The following TNFRSF10D variants were observed in gnomAD, a reference collection of about 807,000 sequenced individuals.
TNFRSF10D encodes TNF receptor superfamily member 10d.
A neutral mutation model predicts 42.1 loss-of-function variants in TNFRSF10D; 28 were observed. The observed-to-expected ratio is 0.66, with a 90% confidence interval of 0.49 to 0.91. The LOEUF is 0.91. TNFRSF10D is among the 40% of genes least tolerant of loss of function. TNFRSF10D has a pLI of 0.00. For missense variants in TNFRSF10D, 503 were observed against 486.1 expected (o/e 1.03, Z -0.33); for synonymous variants, 186 against 189.4 (o/e 0.98, Z 0.15).
chr8:23,162,239 CAT>C (rs1471493901), intron 1 of TNFRSF10D, among the ~76,000 whole-genome samples: 3 of 152,200 alleles, frequency 2.0e-5, no homozygotes, highest in Admixed American at 6.5e-5. Flanking sequence ...CTTTGGGACG[CAT>C]AGAGTTCACA....
At chr8:23,153,395 T>C (rs540168940) in intron 2 of TNFRSF10D, among the ~76,000 whole-genome samples, 860 of 152,018 alleles carry the variant, frequency 5.7e-3, no homozygotes, top group African/African-American at 0.018. Context: ...TAGAAAGGTT[T>C]TGCACAACAA....
chr8:23,160,134 T>G (rs1177437157), intron 1 of TNFRSF10D, among the ~76,000 whole-genome samples: 525 of 151,446 alleles, frequency 3.5e-3, no homozygotes, highest in African/African-American at 0.011. Context: ...ATATGATTCC[T>G]GGTGTCACCT....
rs1234308365 is a variant in TNFRSF10D, at chr8:23,137,141, G to T, written c.*729C>A. On this transcript the variant is annotated 3_prime_UTR_variant, in exon 9 of 9. Coordinates refer to ENST00000312584, the MANE Select transcript of TNFRSF10D (RefSeq NM_003840.5). ...CAATATAAATGTTTCTCTAATTAAG[G>T]TGGGGGTAAGCCCCAATAATCCTAT... 1 of 152,192 alleles carries T rather than the reference G, an allele frequency of 6.6e-6. No homozygotes were observed. The highest frequency in any genetic ancestry group is 1.5e-5 in the Non-Finnish European group (1 of 68,046). 9.4% of individuals were successfully genotyped at this position (152,192 alleles called of 1,614,324 possible).
intron 7 of TNFRSF10D, among the ~76,000 whole-genome samples, chr8:23,143,653 C>G (rs1444120789): frequency 6.6e-6 from 1 of 151,864 alleles, no homozygotes; most frequent in Non-Finnish European, 1.5e-5. Flanking sequence ...CAAAGAGGAG[C>G]CAAAAGCAGA....
Position 23,148,435 on chromosome 8 carries a change from T to G in TNFRSF10D, c.370+3A>C, listed in dbSNP as rs925172186. 2 of 1,604,838 alleles carry G rather than the reference T, an allele frequency of 1.2e-6. No individual in the cohort carries two copies. The highest frequency in any genetic ancestry group is 2.7e-5 in the African/African-American group (2 of 74,650). On this transcript the variant is annotated splice_donor_region_variant and intron_variant, in intron 3 of 8. Transcript: ENST00000312584. ...CTGGGCAAGGGGTCCACACATTCTG[T>G]ACCTGATTTACAAACTGTACATAGC...
chr8:23,160,881 G>T (rs1399837887), intron 1 of TNFRSF10D, among the ~76,000 whole-genome samples: 2 of 152,226 alleles, frequency 1.3e-5, no homozygotes, highest in Admixed American at 1.3e-4. Flanking sequence ...TGGAAACTTG[G>T]CAGGTAAACC....
In TNFRSF10D at chr8:23,136,374, TA is replaced by T; in HGVS notation, c.*1495del. ...CTCCTCAAACAGGGAATCTGTACCC[TA>T]AAACGCAGCTCAGGAATCTCTGCCC... On this transcript the variant is annotated 3_prime_UTR_variant, in exon 9 of 9. Coordinates refer to ENST00000312584, the MANE Select transcript of TNFRSF10D (RefSeq NM_003840.5). The T allele has an allele frequency of 5.2e-6, 1 of 190,688 alleles. No homozygotes were observed. The allele number at this position is 190,688 out of a possible 1,614,324, so 11.8% of individuals were successfully genotyped here.
intron 7 of TNFRSF10D, among the ~76,000 whole-genome samples, chr8:23,139,821 A>C (rs530551499): frequency 1.4e-4 from 22 of 152,222 alleles, no homozygotes; most frequent in Non-Finnish European, 2.9e-4. Context: ...AAACGACTTC[A>C]GCAAAATTTC....
chr8:23,153,695 G>T (rs1461899140), intron 2 of TNFRSF10D, among the ~76,000 whole-genome samples: 1 of 152,104 alleles, frequency 6.6e-6, no homozygotes, highest in Admixed American at 6.6e-5. Context: ...TGTAAAAATG[G>T]CTATTACCAA....
At chr8:23,157,449 G>A (rs545449409) in intron 1 of TNFRSF10D, among the ~76,000 whole-genome samples, 229 of 152,230 alleles carry the variant, frequency 1.5e-3, no homozygotes, top group African/African-American at 5.4e-3. Flanking sequence ...GTCATATCGC[G>A]TGTTTTATAT....
chr8:23,143,876 A>AG (rs1282233398), intron 7 of TNFRSF10D, among the ~76,000 whole-genome samples: 912 of 152,224 alleles, frequency 6.0e-3, no homozygotes, highest in African/African-American at 0.019. Flanking sequence ...CTTAAAAAAA[A>AG]ACAAATGTGT....
chr8:23,141,890 G>C (rs1349356668), intron 7 of TNFRSF10D, among the ~76,000 whole-genome samples: 533 of 151,506 alleles, frequency 3.5e-3, no homozygotes, highest in African/African-American at 0.012. Context: ...AGTTCAGCCA[G>C]TATGGAAAGG....
intron 2 of TNFRSF10D, among the ~76,000 whole-genome samples, chr8:23,152,383 T>C (rs1800222959): frequency 6.6e-6 from 1 of 152,172 alleles, no homozygotes; most frequent in Admixed American, 6.5e-5. Flanking sequence ...CCATGGGCAT[T>C]ATACCCCAGG....
intron 1 of TNFRSF10D, among the ~76,000 whole-genome samples, chr8:23,159,103 GTGTGTC>G (rs750126948): frequency 9.1e-4 from 137 of 150,294 alleles, no homozygotes; most frequent in Non-Finnish European, 9.1e-4. Flanking sequence ...GTGTGTGTGT[GTGTGTC>G]TGTGTCTGTG....
intron 1 of TNFRSF10D, among the ~76,000 whole-genome samples, chr8:23,159,895 G>A (rs1469810072): frequency 6.6e-6 from 1 of 151,720 alleles, no homozygotes; most frequent in African/African-American, 2.4e-5. Flanking sequence ...CTTTTCTCCT[G>A]TGTACCTGTC....
chr8:23,154,415 A>G (rs555271338), intron 2 of TNFRSF10D, among the ~76,000 whole-genome samples: 17 of 152,346 alleles, frequency 1.1e-4, no homozygotes, highest in African/African-American at 4.1e-4. Flanking sequence ...ACAAATTGGG[A>G]TAGTATTGCA....
At chr8:23,148,388 C>T in intron 3 of TNFRSF10D, 50 bp downstream of exon 3, 1 of 1,472,412 alleles carries the variant, frequency 6.8e-7, no homozygotes, top group Non-Finnish European at 9.5e-7. Flanking sequence ...CAGCTCCCAC[C>T]TCATCACTAT....
chr8:23,149,864 G>A (rs115982669), intron 2 of TNFRSF10D, among the ~76,000 whole-genome samples: 886 of 152,000 alleles, frequency 5.8e-3, no homozygotes, highest in African/African-American at 0.018. Flanking sequence ...TTCCTATCAG[G>A]AATTTCTGAC....
intron 1 of TNFRSF10D, among the ~76,000 whole-genome samples, chr8:23,161,939 T>C (rs1172335368): frequency 1.3e-5 from 2 of 152,216 alleles, no homozygotes; most frequent in African/African-American, 4.8e-5. Flanking sequence ...GGACACACGA[T>C]ACATACAAGG....
Sources: gnomAD v4.1 joint callset for allele counts (sites outside exome capture counted in the v4.1 genomes callset) on GRCh38, gnomAD v4.1.1 for gene constraint, MANE v1.5 for transcripts, NCBI Gene and HGNC (gene_info 2026-07-23, HGNC 2026-07-21) for gene names.